RBFOX1: variants seen among roughly 807,000 people sequenced by gnomAD.
RBFOX1 encodes the protein RNA binding fox-1 homolog 1.
Under a neutral mutation model 57.7 loss-of-function variants are expected in RBFOX1, and 8 were observed. The observed-to-expected ratio is 0.14, with a 90% CI of 0.08 to 0.25. The LOEUF (loss-of-function observed/expected upper bound fraction) is 0.25, where lower values mean the gene tolerates loss of function less well. RBFOX1 is among the 10% of genes least tolerant of loss of function. The probability of loss-of-function intolerance (pLI) is 1.00; values close to 1 mark genes in which losing one functional copy is unlikely to be tolerated. For missense variants in RBFOX1, 611 were observed against 548.5 expected (o/e 1.11, Z -1.14); for synonymous variants, 326 against 222.4 (o/e 1.47, Z -4.15).
At chr16:7,141,732 T>C (rs1260449388) in intron 4 of RBFOX1, among the ~76,000 whole-genome samples, 2 of 152,114 alleles carry the variant, frequency 1.3e-5, no homozygotes, top group African/African-American at 4.8e-5. Context: ...CATCATCCTA[T>C]CCACCAGTAA....
intron 3 of RBFOX1, among the ~76,000 whole-genome samples, chr16:6,722,388 C>G (rs12445015): frequency 6.6e-6 from 1 of 152,022 alleles, no homozygotes; most frequent in Admixed American, 6.5e-5. Context: ...TCTAAGTCAT[C>G]TTGGTCATGT....
intron 4 of RBFOX1, among the ~76,000 whole-genome samples, chr16:7,438,332 T>C (rs879518960): frequency 6.6e-6 from 1 of 152,082 alleles, no homozygotes; most frequent in Non-Finnish European, 1.5e-5. Context: ...GAGTGCTACT[T>C]TGGATGTCAG....
At chr16:5,621,953 C>T (rs971544249) in intron 3 of RBFOX1, among the ~76,000 whole-genome samples, 5 of 152,190 alleles carry the variant, frequency 3.3e-5, no homozygotes, top group Admixed American at 6.5e-5. Flanking sequence ...CCCAGCATCT[C>T]CTGGGAAGAA....
chr16:5,730,386 C>T (rs896113630), intron 3 of RBFOX1, among the ~76,000 whole-genome samples: 7 of 151,932 alleles, frequency 4.6e-5, no homozygotes, highest in Non-Finnish European at 7.4e-5. Context: ...CGGCAAGCAC[C>T]GTCTCCCTGA....
intron 3 of RBFOX1, among the ~76,000 whole-genome samples, chr16:7,044,407 G>A (rs903651792): frequency 6.6e-6 from 1 of 152,182 alleles, no homozygotes; most frequent in East Asian, 1.9e-4. Context: ...TCAGGAGAAG[G>A]ATGAAAAAGG....
chr16:6,320,529 T>C (rs2152784923), intron 2 of RBFOX1, among the ~76,000 whole-genome samples: 1 of 152,240 alleles, frequency 6.6e-6, no homozygotes, highest in South Asian at 2.1e-4. Flanking sequence ...ATTGCGAAGA[T>C]TTAAGGTATA....
chr16:7,189,425 CA>C (rs1159617665), intron 4 of RBFOX1, among the ~76,000 whole-genome samples: 154 of 67,608 alleles, frequency 2.3e-3, no homozygotes, highest in South Asian at 5.0e-3. Context: ...GACTCCCTCT[CA>C]AAAAAAAAAA....
intron 3 of RBFOX1, among the ~76,000 whole-genome samples, chr16:5,794,745 A>G (rs1309099798): frequency 5.3e-5 from 8 of 152,196 alleles, no homozygotes; most frequent in Admixed American, 1.3e-4. Context: ...CCTAATGTTT[A>G]ATTTCAAGTG....
intron 2 of RBFOX1, among the ~76,000 whole-genome samples, chr16:5,541,854 GA>G (rs1333096666): frequency 1.3e-5 from 2 of 152,146 alleles, no homozygotes; most frequent in Admixed American, 6.5e-5. Flanking sequence ...CTGTTCTACG[GA>G]AAGCATTGCC....
intron 3 of RBFOX1, among the ~76,000 whole-genome samples, chr16:5,780,981 C>T (rs13380653): frequency 6.4e-4 from 97 of 152,286 alleles, no homozygotes; most frequent in African/African-American, 2.2e-3. Context: ...TGCGGGGTCC[C>T]GCTGGGAGAG....
intron 2 of RBFOX1, among the ~76,000 whole-genome samples, chr16:6,375,112 T>G (rs1450145492): frequency 6.6e-6 from 1 of 152,152 alleles, no homozygotes; most frequent in Non-Finnish European, 1.5e-5. Context: ...ACAGGGAGTA[T>G]CAGAAATCAT....
At chr16:7,658,473 C>T (rs971793461) in intron 12 of RBFOX1, among the ~76,000 whole-genome samples, 1 of 152,176 alleles carries the variant, frequency 6.6e-6, no homozygotes, top group Non-Finnish European at 1.5e-5. Flanking sequence ...AATGCCCAGT[C>T]TAGCTTCCTA....
At chr16:7,258,746 C>G (rs958733996) in intron 4 of RBFOX1, among the ~76,000 whole-genome samples, 2 of 152,138 alleles carry the variant, frequency 1.3e-5, no homozygotes, top group African/African-American at 2.4e-5. Context: ...CATTACTAAC[C>G]TCAACTTTAT....
intron 1 of RBFOX1, among the ~76,000 whole-genome samples, chr16:6,172,220 C>A (rs1423945862): frequency 2.0e-5 from 3 of 152,118 alleles, no homozygotes; most frequent in Non-Finnish European, 2.9e-5. Context: ...CACTTTGCAG[C>A]CTGTGAGCTA....
chr16:5,637,437 G>C (rs1264915410), intron 3 of RBFOX1, among the ~76,000 whole-genome samples: 2 of 152,098 alleles, frequency 1.3e-5, no homozygotes, highest in Non-Finnish European at 2.9e-5. Context: ...TGATGTCTCT[G>C]AACTTCAGAC....
intron 4 of RBFOX1, among the ~76,000 whole-genome samples, chr16:5,991,232 A>C (rs907336235): frequency 6.6e-6 from 1 of 152,122 alleles, no homozygotes; most frequent in African/African-American, 2.4e-5. Context: ...CCCCATTTGC[A>C]GAGGAGCAGC....
chr16:5,355,977 G>T (rs970030389), intron 1 of RBFOX1, among the ~76,000 whole-genome samples: 2 of 152,158 alleles, frequency 1.3e-5, no homozygotes, highest in Admixed American at 1.3e-4. Flanking sequence ...TGTAATCTCA[G>T]CTACTCAGGA....
intron 1 of RBFOX1, among the ~76,000 whole-genome samples, chr16:6,173,448 C>T (rs1399511987): frequency 6.6e-6 from 1 of 152,110 alleles, no homozygotes. Context: ...TACAAACACA[C>T]ATGTGTGCAT....
chr16:6,063,180 T>C (rs1209315954), intron 1 of RBFOX1, among the ~76,000 whole-genome samples: 2 of 151,940 alleles, frequency 1.3e-5, no homozygotes, highest in Non-Finnish European at 2.9e-5. Flanking sequence ...TCCTTTATCA[T>C]CTTGATGAGC....
Sources: gnomAD v4.1 joint callset for allele counts (sites outside exome capture counted in the v4.1 genomes callset) on GRCh38, gnomAD v4.1.1 for gene constraint, MANE v1.5 for transcripts, NCBI Gene and HGNC (gene_info 2026-07-23, HGNC 2026-07-21) for gene names.